The following PIP5K1B variants were observed in gnomAD, a reference collection of about 807,000 sequenced individuals.
The protein encoded by PIP5K1B is phosphatidylinositol-4-phosphate 5-kinase type 1 beta, also known as phosphatidylinositol 4-phosphate 5-kinase type-1 beta.
Under a neutral mutation model 67.0 loss-of-function variants are expected in PIP5K1B, and 42 were observed. That is an observed-to-expected ratio of 0.63 (90% confidence interval 0.49 to 0.81). The LOEUF (loss-of-function observed/expected upper bound fraction) is 0.81. PIP5K1B is among the 30% of genes least tolerant of loss of function. PIP5K1B has a pLI of 0.00. For missense variants in PIP5K1B, 459 were observed against 646.3 expected (o/e 0.71, Z 3.14); for synonymous variants, 214 against 231.4 (o/e 0.92, Z 0.68).
chr9:68,936,727 G>A (rs1167389291), intron 13 of PIP5K1B, among the ~76,000 whole-genome samples: 1 of 152,014 alleles, frequency 6.6e-6, no homozygotes, highest in Non-Finnish European at 1.5e-5. Flanking sequence ...GAGAGTTACA[G>A]AGGTGCCCTT....
intron 8 of PIP5K1B, among the ~76,000 whole-genome samples, chr9:68,916,374 C>G (rs1826092185): frequency 1.3e-5 from 2 of 152,198 alleles, no homozygotes. Flanking sequence ...GAAGCCATCT[C>G]AACAGACTCG....
intron 1 of PIP5K1B, among the ~76,000 whole-genome samples, chr9:68,709,609 T>A (rs1827290858): frequency 6.6e-6 from 1 of 152,144 alleles, no homozygotes; most frequent in Admixed American, 6.5e-5. Context: ...AATACTTTGC[T>A]CCAATCAGTG....
intron 4 of PIP5K1B, among the ~76,000 whole-genome samples, chr9:68,848,974 G>A (rs182339575): frequency 3.3e-5 from 5 of 152,326 alleles, no homozygotes; most frequent in Non-Finnish European, 7.3e-5. Flanking sequence ...ACTGGTATTG[G>A]TAGGAGTATG....
intron 4 of PIP5K1B, among the ~76,000 whole-genome samples, chr9:68,863,315 C>T (rs545236374): frequency 2.0e-5 from 3 of 152,090 alleles, no homozygotes; most frequent in East Asian, 1.9e-4. Flanking sequence ...CACACTTCAC[C>T]GTAAAAAAAT....
intron 5 of PIP5K1B, among the ~76,000 whole-genome samples, chr9:68,865,406 T>C (rs1246719456): frequency 6.6e-6 from 1 of 152,142 alleles, no homozygotes; most frequent in Non-Finnish European, 1.5e-5. Flanking sequence ...ATAATGCTTG[T>C]AAGTGTGTTT....
chr9:68,824,404 A>G, intron 4 of PIP5K1B: 1 of 361,608 alleles, frequency 2.8e-6, no homozygotes, highest in South Asian at 2.2e-5. Context: ...AGGTAATTCT[A>G]TGATTAATGT....
intron 15 of PIP5K1B, among the ~76,000 whole-genome samples, chr9:69,004,527 C>T (rs1035664708): frequency 3.3e-5 from 5 of 152,124 alleles, no homozygotes; most frequent in Non-Finnish European, 5.9e-5. Context: ...GTCTCTGATC[C>T]CTGAGCGGTC....
intron 1 of PIP5K1B, among the ~76,000 whole-genome samples, chr9:68,710,221 G>T (rs1245552230): frequency 6.6e-6 from 1 of 152,078 alleles, no homozygotes; most frequent in Non-Finnish European, 1.5e-5. Context: ...GAGTTGGAAG[G>T]AATCCTTCAT....
chr9:68,983,976 G>A (rs1830001096), intron 14 of PIP5K1B, among the ~76,000 whole-genome samples: 2 of 152,296 alleles, frequency 1.3e-5, no homozygotes, highest in Middle Eastern at 6.8e-3. Flanking sequence ...GATCATTTGA[G>A]CTCAGGAGTC....
In PIP5K1B at chr9:68,982,585, C is replaced by A. The variant is rs1333681712; in HGVS notation, c.1503-8555C>A. On this transcript the variant is annotated intron_variant, in intron 14 of 15. Transcript: ENST00000265382. ...CAGCCTGGCCAACATGGTGAAACCCCATCTCTACTAAAAATACAAAAAAAA... is the reference window on the plus strand; with the variant it reads ...CAGCCTGGCCAACATGGTGAAACCCAATCTCTACTAAAAATACAAAAAAAA... Among the ~76,000 whole-genome samples the A allele has an allele frequency of 2.0e-5, 3 of 151,944 alleles. No homozygotes were observed. The East Asian group carries it at 5.8e-4, about 29-fold the overall frequency.
At chr9:68,822,728 T>C in intron 4 of PIP5K1B, 45 bp downstream of exon 4, 2 of 1,341,532 alleles carry the variant, frequency 1.5e-6, no homozygotes, top group Non-Finnish European at 2.1e-6. Flanking sequence ...CGTTTTGCTG[T>C]TTGGCACGTG....
At chr9:69,005,772 T>TGACCACCACAA (rs146804508) in intron 15 of PIP5K1B, among the ~76,000 whole-genome samples, 17,077 of 152,224 alleles carry the variant, frequency 0.11, 1,176 homozygotes, top group East Asian at 0.36. Context: ...TCCTCTCTAC[T>TGACCACCACAA]GTGCCTTCTG....
intron 5 of PIP5K1B, among the ~76,000 whole-genome samples, chr9:68,869,248 C>T (rs1823507453): frequency 6.6e-6 from 1 of 152,202 alleles, no homozygotes; most frequent in Non-Finnish European, 1.5e-5. Context: ...CGAGCTCCGC[C>T]TCCTGTCAGA....
intron 14 of PIP5K1B, among the ~76,000 whole-genome samples, chr9:68,952,000 T>C (rs980844020): frequency 2.6e-5 from 4 of 152,198 alleles, no homozygotes; most frequent in Admixed American, 1.3e-4. Context: ...ACCCGACACA[T>C]ACCACGTATG....
intron 1 of PIP5K1B, among the ~76,000 whole-genome samples, chr9:68,719,207 G>C (rs932294036): frequency 2.6e-5 from 4 of 152,020 alleles, no homozygotes; most frequent in African/African-American, 9.7e-5. Flanking sequence ...TTGATAATGT[G>C]TTTACTATAT....
chr9:68,710,116 CT>C (rs1277174090), intron 1 of PIP5K1B, among the ~76,000 whole-genome samples: 11 of 152,166 alleles, frequency 7.2e-5, no homozygotes, highest in South Asian at 6.2e-4. Flanking sequence ...TTTTTTCCCC[CT>C]ATGGCCAGAG....
At chr9:69,006,738 A>G (rs4745494) in intron 15 of PIP5K1B, among the ~76,000 whole-genome samples, 150,790 of 152,340 alleles carry the variant, frequency 0.99, 74,654 homozygotes, top group Middle Eastern at 1. Context: ...GGCACTGGAA[A>G]TGAGACACAG....
At chr9:68,856,275 T>C (rs1006818809) in intron 4 of PIP5K1B, among the ~76,000 whole-genome samples, 1 of 152,182 alleles carries the variant, frequency 6.6e-6, no homozygotes, top group Non-Finnish European at 1.5e-5. Context: ...TCCCTGGAAA[T>C]CAACTCCCCT....
intron 8 of PIP5K1B, 94 bp downstream of exon 8, chr9:68,894,732 C>A: frequency 8.4e-7 from 1 of 1,191,252 alleles, no homozygotes; most frequent in Non-Finnish European, 1.2e-6. Flanking sequence ...AAGGAATGTC[C>A]AAAGTGGCAG....
Sources: allele counts gnomAD v4.1 joint callset (sites outside exome capture counted in the v4.1 genomes callset), GRCh38; gene constraint gnomAD v4.1.1; transcripts MANE v1.5; gene names NCBI Gene and HGNC (gene_info 2026-07-23, HGNC 2026-07-21).